GLIS3: variants seen among roughly 807,000 people sequenced by gnomAD.
GLIS3 encodes GLIS family zinc finger 3, also known as zinc finger protein GLIS3.
In GLIS3, 53 loss-of-function variants were observed where a neutral mutation model predicts 78.6. The observed-to-expected ratio is 0.67, with a 90% CI of 0.54 to 0.85. GLIS3 has a LOEUF of 0.85. GLIS3 is among the 40% of genes least tolerant of loss of function. The pLI, the probability that GLIS3 is intolerant of heterozygous loss-of-function variation, is 0.00. For synonymous variants in GLIS3, 684 were observed against 509.9 expected (o/e 1.34, Z -4.60); for missense variants, 1,703 against 1,231.1 (o/e 1.38, Z -5.74).
the GLIS3 span, among the ~76,000 whole-genome samples, chr9:4,449,222 G>A: frequency 6.6e-6 from 1 of 152,218 alleles, no homozygotes; most frequent in Non-Finnish European, 1.5e-5. Flanking sequence ...TACTGCTAGT[G>A]CAGCAGTCTG....
chr9:4,156,695 C>A (rs1473318866), intron 2 of GLIS3, among the ~76,000 whole-genome samples: 1 of 152,132 alleles, frequency 6.6e-6, no homozygotes, highest in South Asian at 2.1e-4. Context: ...TGAAGGGTAG[C>A]CCTTTAAGGG....
At chr9:4,054,374 ACGTATTTTCC>A in intron 4 of GLIS3, 1 of 985,372 alleles carries the variant, frequency 1.0e-6, no homozygotes, top group South Asian at 4.7e-5. Flanking sequence ...GAGCAATAAA[ACGTATTTTCC>A]CAAGCTCAGA....
At chr9:3,888,406 G>C (rs1822217729) in intron 7 of GLIS3, among the ~76,000 whole-genome samples, 1 of 152,140 alleles carries the variant, frequency 6.6e-6, no homozygotes, top group Admixed American at 6.5e-5. Context: ...ACTTCACAGT[G>C]AAGGCTTCTT....
At chr9:4,013,641 A>G (rs1272532547) in intron 4 of GLIS3, among the ~76,000 whole-genome samples, 2 of 152,206 alleles carry the variant, frequency 1.3e-5, no homozygotes, top group African/African-American at 4.8e-5. Context: ...AGATACTATT[A>G]TTGGCTTAAG....
At chr9:4,487,556 A>G in the GLIS3 span, among the ~76,000 whole-genome samples, 1 of 152,128 alleles carries the variant, frequency 6.6e-6, no homozygotes, top group Non-Finnish European at 1.5e-5. Context: ...TTGTCTTATT[A>G]CAACCCAGAA....
chr9:4,011,652 C>T (rs1351326733), intron 4 of GLIS3, among the ~76,000 whole-genome samples: 1 of 152,156 alleles, frequency 6.6e-6, no homozygotes, highest in African/African-American at 2.4e-5. Context: ...GTCCAGCTAA[C>T]CTCACTGAAT....
intron 7 of GLIS3, among the ~76,000 whole-genome samples, chr9:3,893,792 A>T (rs1046269781): frequency 6.6e-6 from 1 of 152,348 alleles, no homozygotes; most frequent in Non-Finnish European, 1.5e-5. Context: ...ACTCACTCAG[A>T]CCTTCTGAAT....
At chr9:4,208,910 A>C (rs555853180) in intron 2 of GLIS3, among the ~76,000 whole-genome samples, 37 of 152,202 alleles carry the variant, frequency 2.4e-4, no homozygotes, top group African/African-American at 8.7e-4. Flanking sequence ...TTCCATAATA[A>C]AGGCTGTCTG....
At chr9:4,282,728 A>T (rs1167196906) in intron 2 of GLIS3, among the ~76,000 whole-genome samples, 1 of 151,158 alleles carries the variant, frequency 6.6e-6, no homozygotes, top group African/African-American at 2.4e-5. Context: ...CCAATTTCTT[A>T]TAACAAATTT....
At position 3,903,495 on chromosome 9, in the gene GLIS3, C is replaced by T. The variant is rs995040187; in HGVS notation, c.1984-4660G>A. On this transcript the variant is annotated intron_variant, in intron 6 of 10. Coordinates refer to ENST00000381971, the MANE Select transcript of GLIS3 (RefSeq NM_001042413.2). ...TTGTTCACATTGTAATCTATGTGAA[C>T]GGCGTTCCTGGAATCATTCAGCTCA... Among the ~76,000 whole-genome samples, 6 of 152,202 alleles carry T rather than the reference C, an allele frequency of 3.9e-5. No homozygotes were observed. The East Asian group carries it at 9.6e-4, about 24-fold the overall frequency.
intron 2 of GLIS3, among the ~76,000 whole-genome samples, chr9:4,220,975 AC>A (rs2131330765): frequency 6.6e-6 from 1 of 152,188 alleles, no homozygotes; most frequent in African/African-American, 2.4e-5. Context: ...ACACAGCAAG[AC>A]CCTGTCTCTA....
rs931106561 is a variant in GLIS3, at chr9:4,069,427, A to C, written c.1710+48341T>G. 6.6e-5 allele frequency among the ~76,000 whole-genome samples: 10 copies of C among 152,212 alleles called. No homozygotes were observed. In the East Asian group the frequency reaches 1.9e-3, roughly 29 times the overall value. Reference sequence around the variant, plus strand: ...GCAAGATTGGAGATAAGATACCTATATATAAAATCATTAATACATTTAAAA... The same window carrying C: ...GCAAGATTGGAGATAAGATACCTATCTATAAAATCATTAATACATTTAAAA... On this transcript the variant is annotated intron_variant, in intron 4 of 10. Coordinates refer to ENST00000381971, the MANE Select transcript of GLIS3 (RefSeq NM_001042413.2).
chr9:4,418,809 G>A, the GLIS3 span, among the ~76,000 whole-genome samples: 6 of 152,210 alleles, frequency 3.9e-5, no homozygotes, highest in African/African-American at 1.4e-4. Context: ...TTAAGAAAGA[G>A]TAAGATTTCA....
At chr9:4,485,933 G>C in the GLIS3 span, among the ~76,000 whole-genome samples, 1 of 152,136 alleles carries the variant, frequency 6.6e-6, no homozygotes, top group Non-Finnish European at 1.5e-5. Flanking sequence ...ATGTTGGCCA[G>C]GCTGGTCTCA....
chr9:4,230,304 T>A (rs1410537854), intron 2 of GLIS3, among the ~76,000 whole-genome samples: 2 of 152,164 alleles, frequency 1.3e-5, no homozygotes, highest in Non-Finnish European at 2.9e-5. Flanking sequence ...AATACCGAAC[T>A]GCAGGCCAGA....
chr9:4,044,627 G>C (rs983692637), intron 4 of GLIS3, among the ~76,000 whole-genome samples: 23 of 152,294 alleles, frequency 1.5e-4, no homozygotes, highest in Non-Finnish European at 3.2e-4. Flanking sequence ...ATTGCAGTCT[G>C]GGTTGGGTAC....
chr9:4,145,568 T>C (rs1378389641), intron 2 of GLIS3, among the ~76,000 whole-genome samples: 1 of 152,118 alleles, frequency 6.6e-6, no homozygotes, highest in African/African-American at 2.4e-5. Flanking sequence ...TCTAATAACA[T>C]TCAAAAAGCC....
chr9:3,883,916 G>A (rs1821901146), intron 7 of GLIS3, among the ~76,000 whole-genome samples: 1 of 152,220 alleles, frequency 6.6e-6, no homozygotes, highest in African/African-American at 2.4e-5. Flanking sequence ...CTTCAGCAGA[G>A]GCCAGCTACT....
At chr9:4,312,512 T>C (rs1371866778) in intron 2 of GLIS3, among the ~76,000 whole-genome samples, 1 of 152,222 alleles carries the variant, frequency 6.6e-6, no homozygotes, top group Admixed American at 6.5e-5. Context: ...CAGGCACCCA[T>C]ATGAGCATGC....
Sources: gnomAD v4.1 joint callset for allele counts (sites outside exome capture counted in the v4.1 genomes callset) on GRCh38, gnomAD v4.1.1 for gene constraint, MANE v1.5 for transcripts, NCBI Gene and HGNC (gene_info 2026-07-23, HGNC 2026-07-21) for gene names.